The following CENPI variants were observed in gnomAD, a reference collection of about 807,000 sequenced individuals.
The protein encoded by CENPI is centromere protein I.
CENPI carries 4 observed loss-of-function variants against 60.4 expected under a neutral mutation model. That is an observed-to-expected ratio of 0.07 (90% CI 0.03 to 0.15). The LOEUF is 0.15. Ranked by LOEUF, CENPI falls within the 10% of genes least tolerant of loss-of-function variation. CENPI has a pLI of 1.00. For synonymous variants in CENPI, 157 were observed against 189.4 expected (o/e 0.83, Z 1.40); for missense variants, 444 against 534.5 (o/e 0.83, Z 1.67).
At chrX:101,144,087 CTTT>C (rs58858609) in intron 16 of CENPI, among the ~76,000 whole-genome samples, 1 of 79,645 alleles carries the variant, frequency 1.3e-5, no homozygotes, top group African/African-American at 5.2e-5. Context: ...TTTTCTTTTT[CTTT>C]TTTTTTTTTT....
intron 20 of CENPI, among the ~76,000 whole-genome samples, chrX:101,161,290 G>C (rs2148266978): frequency 8.9e-6 from 1 of 111,987 alleles, no homozygotes; most frequent in Admixed American, 9.5e-5. Context: ...CACCCGGCCT[G>C]TTTTACATAG....
At chrX:101,171,460 A>G in the CENPI span, among the ~76,000 whole-genome samples, 1 of 112,102 alleles carries the variant, frequency 8.9e-6, no homozygotes, top group African/African-American at 3.2e-5. Context: ...TATTTTGGAA[A>G]CAAGGTGACA....
At chrX:101,171,064 G>A (rs931554688), downstream of CENPI, among the ~76,000 whole-genome samples, 1 of 112,002 alleles carries the variant, frequency 8.9e-6, no homozygotes, top group African/African-American at 3.2e-5. Flanking sequence ...AAACAATATT[G>A]AAAAAACTTG....
chrX:101,160,375 CTTTTTTTTTTT>C (rs763855508), intron 20 of CENPI, among the ~76,000 whole-genome samples: 1 of 81,425 alleles, frequency 1.2e-5, no homozygotes, highest in East Asian at 3.9e-4. Flanking sequence ...GCTTTTAGTT[CTTTTTTTTTTT>C]TTTTTTTTTT....
chrX:101,122,120 A>G (rs903814699), intron 8 of CENPI, among the ~76,000 whole-genome samples: 1 of 111,571 alleles, frequency 9.0e-6, no homozygotes, highest in African/African-American at 3.3e-5. Flanking sequence ...AAGCATTTTA[A>G]GACATTATCT....
chrX:101,127,884 C>T (rs1038200441), intron 11 of CENPI, among the ~76,000 whole-genome samples: 17 of 111,474 alleles, frequency 1.5e-4, no homozygotes, highest in African/African-American at 5.5e-4. Flanking sequence ...TGCATCACCA[C>T]GCCTGGCTAA....
rs773058803 is a variant in CENPI, at chrX:101,161,534, C to T, written c.2101C>T (p.Pro701Ser). ...YAVSFLLQES[P>S]EERTVNVSSI... ...TTGTTTGTTTGTTTTTAAGGAAAGC[C>T]CAGAAGAAAGGACAGTAAATGTGAG... is the stretch of plus-strand genomic sequence containing the variant. Residue 701 changes from proline to serine, a missense_variant, in exon 21 of 22, where the codon CCA becomes TCA. Transcript: ENST00000682095. 2 of 1,208,527 alleles carry T rather than the reference C, an allele frequency of 1.7e-6. No homozygotes were observed. Among genetic ancestry groups the T allele is most frequent in the Admixed American group, 2.2e-5 (1 of 45,875 alleles).
chrX:101,170,549 G>A (rs5921738), downstream of CENPI, among the ~76,000 whole-genome samples: 1,436 of 112,011 alleles, frequency 0.013, 6 homozygotes, highest in Middle Eastern at 0.046. Context: ...TCTAATAAAT[G>A]CAAATATATC....
chrX:101,157,649 CAAAA>C (rs11337861), intron 20 of CENPI, among the ~76,000 whole-genome samples: 2 of 49,130 alleles, frequency 4.1e-5, no homozygotes, highest in African/African-American at 7.7e-5. Context: ...GACCTTGTCT[CAAAA>C]AAAAAAAAAA....
At chrX:101,116,023 A>G (rs1020697793) in intron 6 of CENPI, among the ~76,000 whole-genome samples, 1 of 111,957 alleles carries the variant, frequency 8.9e-6, no homozygotes, top group Admixed American at 9.6e-5. Context: ...TCTACTTCAT[A>G]TATATGCAGT....
chrX:101,144,307 T>C (rs745678912), intron 16 of CENPI, among the ~76,000 whole-genome samples: 89 of 109,030 alleles, frequency 8.2e-4, no homozygotes, highest in African/African-American at 2.9e-3. Context: ...GGTCTCGAAC[T>C]CCTGACCTCA....
intron 20 of CENPI, among the ~76,000 whole-genome samples, chrX:101,151,796 T>C (rs2090009013): frequency 1.0e-5 from 1 of 99,252 alleles, no homozygotes; most frequent in Non-Finnish European, 2.0e-5. Context: ...ATGGCACCAC[T>C]GCACTCCAGC....
chrX:101,121,984 A>G (rs1033273978), intron 8 of CENPI, among the ~76,000 whole-genome samples: 3 of 108,043 alleles, frequency 2.8e-5, no homozygotes, highest in Non-Finnish European at 5.8e-5. Flanking sequence ...TTATATTTTT[A>G]GTAGAGATGG....
chrX:101,118,983 C>A (rs779310440), intron 6 of CENPI, among the ~76,000 whole-genome samples: 4 of 111,114 alleles, frequency 3.6e-5, no homozygotes, highest in African/African-American at 1.3e-4. Flanking sequence ...GAGTTCGAGA[C>A]CACCCTGAAC....
chrX:101,151,841 G>GAA (rs1216298839), intron 20 of CENPI, among the ~76,000 whole-genome samples: 21 of 60,339 alleles, frequency 3.5e-4, no homozygotes, highest in Admixed American at 4.4e-4. Context: ...CTCAAAAAAA[G>GAA]AAAAAAAAAA....
intron 2 of CENPI, among the ~76,000 whole-genome samples, chrX:101,099,431 C>T (rs867260217): frequency 1.2e-5 from 1 of 84,675 alleles, no homozygotes; most frequent in Admixed American, 1.4e-4. Context: ...GAGACTGTCT[C>T]AAAAAAAAAA....
chrX:101,114,363 A>G (rs762258308), intron 6 of CENPI, among the ~76,000 whole-genome samples: 1 of 112,168 alleles, frequency 8.9e-6, no homozygotes, highest in Admixed American at 9.5e-5. Flanking sequence ...GATTTTAAGT[A>G]TAGTCACAGA....
At chrX:101,138,231 G>T (rs1238696306) in intron 15 of CENPI, among the ~76,000 whole-genome samples, 1 of 106,729 alleles carries the variant, frequency 9.4e-6, no homozygotes, top group African/African-American at 3.4e-5. Flanking sequence ...CAAGTGATCC[G>T]CCCGCCTCGG....
At chrX:101,136,817 CATA>C (rs2089852900) in intron 15 of CENPI, among the ~76,000 whole-genome samples, 1 of 111,988 alleles carries the variant, frequency 8.9e-6, no homozygotes, top group Non-Finnish European at 1.9e-5. Flanking sequence ...ATTAACATTG[CATA>C]ATAATTTTCA....
Sources: gnomAD v4.1 joint callset for allele counts (sites outside exome capture counted in the v4.1 genomes callset) on GRCh38, gnomAD v4.1.1 for gene constraint, MANE v1.5 for transcripts, NCBI Gene and HGNC (gene_info 2026-07-23, HGNC 2026-07-21) for gene names.